Variants in PMP22 observed in about 807,000 individuals in gnomAD.
PMP22 encodes Charcot-Marie-Tooth neuropathy 1A (greatly reduced nerve conduction velocity, hereditary motor sensory neuropathy Ia).
A neutral mutation model predicts 18.9 loss-of-function variants in PMP22; 2 were observed. The observed-to-expected ratio is 0.11, with a 90% CI of 0.04 to 0.33. The LOEUF is 0.33. PMP22 is among the 10% of genes least tolerant of loss of function. The probability of loss-of-function intolerance (pLI) is 1.00; values close to 1 mark genes in which losing one functional copy is unlikely to be tolerated. For synonymous variants in PMP22, 95 were observed against 89.2 expected (o/e 1.07, Z -0.37); for missense variants, 169 against 202.2 (o/e 0.84, Z 1.00).
chr17:15,240,208 C>T (rs1241687649), intron 3 of PMP22, among the ~76,000 whole-genome samples: 3 of 152,176 alleles, frequency 2.0e-5, no homozygotes, highest in Admixed American at 6.5e-5. Context: ...CTTTGAAGGG[C>T]TTATCAGAAC....
intron 3 of PMP22, 51 bp downstream of exon 3, chr17:15,259,043 C>G: frequency 7.6e-7 from 1 of 1,310,520 alleles, no homozygotes. Flanking sequence ...GGCTGAGAAA[C>G]GTGTTACAGG....
intron 2 of PMP22, among the ~76,000 whole-genome samples, chr17:15,259,869 C>T (rs1909155708): frequency 6.8e-6 from 1 of 146,402 alleles, no homozygotes; most frequent in South Asian, 2.1e-4. Flanking sequence ...ACCCGGAAGG[C>T]AGAGGTTGCA....
chr17:15,234,622 G>C (rs1225423149), intron 4 of PMP22, among the ~76,000 whole-genome samples: 1 of 152,134 alleles, frequency 6.6e-6, no homozygotes, highest in Non-Finnish European at 1.5e-5. Context: ...TACATTTTCA[G>C]TATCCAAATG....
At chr17:15,263,583 G>GCGCA (rs71353722) in intron 1 of PMP22, among the ~76,000 whole-genome samples, 100 of 150,050 alleles carry the variant, frequency 6.7e-4, no homozygotes, top group Middle Eastern at 3.4e-3. Context: ...GCACGCGCGC[G>GCGCA]CACACACACA....
In PMP22 at chr17:15,258,891, C is replaced by A; in HGVS notation, c.178+203G>T. 1.5e-6 allele frequency: 1 copy of A among 645,530 alleles called. No homozygotes were observed. The highest frequency in any genetic ancestry group is 2.8e-6 in the Non-Finnish European group (1 of 354,192). The allele number at this position is 645,530 out of a possible 1,614,324, so 40.0% of individuals were successfully genotyped here. ...GCATGTCTCTAGGTAGAGTGAATCA[C>A]AATGATGCCCAGGATCTCAGCTTCC... is the stretch of plus-strand genomic sequence containing the variant. On this transcript the variant is annotated intron_variant, in intron 3 of 4. Transcript: ENST00000312280. The surrounding 1 kb of genome is among the most constrained non-coding windows in gnomAD (Gnocchi z 4.1).
At chr17:15,239,690 G>A in intron 3 of PMP22, 79 bp from the exon 4 acceptor site, 1 of 1,452,610 alleles carries the variant, frequency 6.9e-7, no homozygotes, top group Middle Eastern at 2.3e-4. Context: ...GGGCCTGAAG[G>A]GCCATGACTG....
At chr17:15,256,903 G>A (rs746320085) in intron 3 of PMP22, among the ~76,000 whole-genome samples, 7 of 152,186 alleles carry the variant, frequency 4.6e-5, no homozygotes, top group African/African-American at 7.2e-5. Context: ...GGAAGATAGC[G>A]GCAGAGATAA....
rs747872532 is a variant in PMP22 at position 15,230,153 on chromosome 17, T to C, written c.*764A>G. 1 of 152,824 alleles carries C rather than the reference T, an allele frequency of 6.5e-6. No homozygotes were observed. Among genetic ancestry groups the C allele is most frequent in the Non-Finnish European group, 1.5e-5 (1 of 68,160 alleles). The allele number at this position is 152,824 out of a possible 1,614,324, so 9.5% of individuals were successfully genotyped here. On this transcript the variant is annotated 3_prime_UTR_variant, in exon 5 of 5. Coordinates refer to ENST00000312280, the MANE Select transcript of PMP22 (RefSeq NM_000304.4). ...CACAGAATTATTCAGGTCTCCATTC[T>C]ATCTTATGTTGTAAAATTGTTAATT...
chr17:15,256,324 C>T (rs1028890899), intron 3 of PMP22, among the ~76,000 whole-genome samples: 12 of 151,974 alleles, frequency 7.9e-5, no homozygotes, highest in African/African-American at 2.9e-4. Flanking sequence ...TGGTCATGCA[C>T]CAGAAAAATG....
intron 2 of PMP22, among the ~76,000 whole-genome samples, chr17:15,259,497 G>C (rs1338598701): frequency 6.6e-6 from 1 of 151,994 alleles, no homozygotes; most frequent in Non-Finnish European, 1.5e-5. Flanking sequence ...CATTCCCCAA[G>C]CCCGCCTCTC....
chr17:15,263,489 C>T (rs925655992), intron 1 of PMP22, among the ~76,000 whole-genome samples: 13 of 152,100 alleles, frequency 8.5e-5, no homozygotes, highest in Admixed American at 7.9e-4. Context: ...CTGAGACTCC[C>T]GTGCGCAGGC....
chr17:15,235,002 T>C (rs887079843), intron 4 of PMP22, among the ~76,000 whole-genome samples: 6 of 152,182 alleles, frequency 3.9e-5, no homozygotes, highest in African/African-American at 1.4e-4. Flanking sequence ...TCATTTTTTG[T>C]AGAGATGGCA....
intron 4 of PMP22, 120 bp from the exon 5 acceptor site, chr17:15,231,200 A>G: frequency 1.0e-6 from 1 of 982,676 alleles, no homozygotes; most frequent in Non-Finnish European, 1.6e-6. Flanking sequence ...CTGGAAGGAA[A>G]TCTGCTTCCA....
At chr17:15,235,638 T>A (rs1338707466) in intron 4 of PMP22, among the ~76,000 whole-genome samples, 1 of 152,236 alleles carries the variant, frequency 6.6e-6, no homozygotes, top group Admixed American at 6.5e-5. Flanking sequence ...TTAATGGCTA[T>A]GTCAGTGGTT....
At position 15,258,857 on chromosome 17, in the gene PMP22, G is replaced by T. The variant is rs1364115007; in HGVS notation, c.178+237C>A. The T allele has an allele frequency of 5.1e-6, 3 of 585,678 alleles. No individual in the cohort carries two copies. The highest frequency in any genetic ancestry group is 3.7e-5 in the African/African-American group (2 of 53,942). 36.3% of individuals were successfully genotyped at this position (585,678 alleles called of 1,614,324 possible). On this transcript the variant is annotated intron_variant, in intron 3 of 4. Coordinates refer to ENST00000312280, the MANE Select transcript of PMP22 (RefSeq NM_000304.4). The surrounding 1 kb of genome is among the most constrained non-coding windows in gnomAD (Gnocchi z 4.1). ...AGCATTATCCTAAGTGATCAGGAGG[G>T]CACTAAGGGCATGTCTCTAGGTAGA...
rs1187449013 is a variant in PMP22, at chr17:15,261,535, T to C, written c.-34-774A>G. The C allele has an allele frequency of 6.6e-6, 1 of 152,268 alleles. No individual in the cohort carries two copies. Among genetic ancestry groups the C allele is most frequent in the Non-Finnish European group, 1.5e-5 (1 of 68,152 alleles). The allele number at this position is 152,268 out of a possible 1,614,324, so 9.4% of individuals were successfully genotyped here. A position where few individuals can be genotyped will look rare whatever the true frequency, so the allele number is the denominator to read the frequency against. Reference sequence around the variant, plus strand: ...CTGGGGTCAGGGGGCATTCTGCTCTTGCGCTAGACCCACGTGCTCGCCTAG... The same window carrying C: ...CTGGGGTCAGGGGGCATTCTGCTCTCGCGCTAGACCCACGTGCTCGCCTAG... On this transcript the variant is annotated intron_variant, in intron 1 of 4. Transcript: ENST00000312280. The surrounding 1 kb of genome is among the most constrained non-coding windows in gnomAD (Gnocchi z 5.2).
intron 3 of PMP22, among the ~76,000 whole-genome samples, chr17:15,248,711 G>A (rs1038836206): frequency 1.3e-5 from 2 of 152,164 alleles, no homozygotes; most frequent in African/African-American, 4.8e-5. Flanking sequence ...AAAAGAAAAA[G>A]GAGGGGAGTG....
chr17:15,258,921 C>T lies in PMP22; in HGVS notation c.178+173G>A, dbSNP rs931201994. The stretch of plus-strand genomic sequence containing the variant: ...ATGCCCAGGATCTCAGCTTCCCCAG[C>T]GAGATCACCACCCCTCCCATTTTCC... On this transcript the variant is annotated intron_variant, in intron 3 of 4. Transcript: ENST00000312280. The surrounding 1 kb of genome is among the most constrained non-coding windows in gnomAD (Gnocchi z 4.1). The T allele has an allele frequency of 1.5e-5, 10 of 676,338 alleles. No individual in the cohort carries two copies. The highest frequency in any genetic ancestry group is 8.8e-5 in the African/African-American group (5 of 56,646). The allele number at this position is 676,338 out of a possible 1,614,324, so 41.9% of individuals were successfully genotyped here.
chr17:15,263,340 G>A (rs1372008134), intron 1 of PMP22, among the ~76,000 whole-genome samples: 1 of 152,134 alleles, frequency 6.6e-6, no homozygotes, highest in African/African-American at 2.4e-5. Context: ...TTGGCGGGCG[G>A]GTGCGAGGTG....
Sources: allele counts gnomAD v4.1 joint callset (sites outside exome capture counted in the v4.1 genomes callset), GRCh38; gene constraint gnomAD v4.1.1; non-coding constraint Gnocchi (gnomAD v3.1); transcripts MANE v1.5; gene names NCBI Gene and HGNC (gene_info 2026-07-23, HGNC 2026-07-21).